Variants in TSHZ2 observed in about 807,000 individuals in gnomAD.
TSHZ2 encodes teashirt zinc finger homeobox 2, also known as teashirt homolog 2.
In TSHZ2, 21 loss-of-function variants were observed where a neutral mutation model predicts 74.4. That is an observed-to-expected ratio of 0.28 (90% CI 0.20 to 0.41). TSHZ2 has a LOEUF of 0.41. Among genes scored for constraint, TSHZ2 ranks in the 10% least tolerant of loss-of-function variants. The pLI, the probability that TSHZ2 is intolerant of heterozygous loss-of-function variation, is 1.00. For synonymous variants in TSHZ2, 540 were observed against 515.3 expected (o/e 1.05, Z -0.65); for missense variants, 1,244 against 1,293.5 (o/e 0.96, Z 0.59).
intron 2 of TSHZ2, among the ~76,000 whole-genome samples, chr20:53,387,956 G>A (rs767415153): frequency 1.4e-4 from 22 of 152,042 alleles, no homozygotes; most frequent in Admixed American, 3.9e-4. Context: ...GGCTGAGACA[G>A]GAGAATTGCT....
intron 1 of TSHZ2, among the ~76,000 whole-genome samples, chr20:52,980,861 C>G (rs922783329): frequency 6.6e-6 from 1 of 152,120 alleles, no homozygotes. Context: ...TCTATATAAA[C>G]TGCACAGGGC....
intron 1 of TSHZ2, among the ~76,000 whole-genome samples, chr20:53,048,204 C>T (rs1400415505): frequency 2.6e-5 from 4 of 152,206 alleles, no homozygotes; most frequent in East Asian, 1.9e-4. Flanking sequence ...CGATCAAAGA[C>T]AGCCCAGGAC....
At chr20:53,464,602 T>C (rs978539000) in intron 2 of TSHZ2, among the ~76,000 whole-genome samples, 2 of 152,114 alleles carry the variant, frequency 1.3e-5, no homozygotes, top group Non-Finnish European at 2.9e-5. Context: ...GCTGGAACTA[T>C]AGGTGCACAC....
intron 1 of TSHZ2, among the ~76,000 whole-genome samples, chr20:53,009,280 G>A (rs1212984103): frequency 6.6e-6 from 1 of 152,174 alleles, no homozygotes; most frequent in Non-Finnish European, 1.5e-5. Context: ...TGAGGCTGCA[G>A]TGAGCCGTGA....
intron 1 of TSHZ2, among the ~76,000 whole-genome samples, chr20:53,147,492 T>C (rs1224838577): frequency 6.6e-6 from 1 of 152,252 alleles, no homozygotes; most frequent in Non-Finnish European, 1.5e-5. Flanking sequence ...AAAGATTTAA[T>C]AATATTGTTT....
intron 2 of TSHZ2, among the ~76,000 whole-genome samples, chr20:53,457,258 T>C (rs1215915442): frequency 6.9e-6 from 1 of 145,140 alleles, no homozygotes; most frequent in Non-Finnish European, 1.5e-5. Context: ...TAGTTCTCCT[T>C]GAAGAGGTCC....
chr20:53,211,535 C>T (rs1989303729), intron 1 of TSHZ2, among the ~76,000 whole-genome samples: 1 of 151,778 alleles, frequency 6.6e-6, no homozygotes, highest in African/African-American at 2.4e-5. Context: ...AACATTGATG[C>T]ATTTAAAGTA....
At chr20:53,355,037 G>A (rs138695194) in intron 2 of TSHZ2, among the ~76,000 whole-genome samples, 2,005 of 152,248 alleles carry the variant, frequency 0.013, 28 homozygotes, top group Middle Eastern at 0.044. Flanking sequence ...AATAGAATAT[G>A]TATTCATTTA....
At position 53,373,037 on chromosome 20, in the gene TSHZ2, C is replaced by A. The variant is rs1380402529; in HGVS notation, c.*9-114107C>A. 2.0e-5 allele frequency among the ~76,000 whole-genome samples: 3 copies of A among 152,178 alleles called. No homozygotes were observed. In the East Asian group the frequency reaches 5.8e-4, roughly 29 times the overall value. On this transcript the variant is annotated intron_variant, in intron 2 of 2. Coordinates refer to ENST00000371497, the MANE Select transcript of TSHZ2 (RefSeq NM_173485.6). ...CCTTTCCATCACATCTCTGATGAGT[C>A]TTTCTATTGCTTTGCATGACAAAAT... is the stretch of plus-strand genomic sequence containing the variant.
At chr20:53,291,869 G>A (rs1289099372) in intron 2 of TSHZ2, among the ~76,000 whole-genome samples, 1 of 152,118 alleles carries the variant, frequency 6.6e-6, no homozygotes, top group African/African-American at 2.4e-5. Context: ...CTTAATTTCT[G>A]CCTTGAGGAA....
intron 1 of TSHZ2, among the ~76,000 whole-genome samples, chr20:53,133,969 G>GAAAAAAAAAAAAAAAAAAA (rs3070080): frequency 7.8e-6 from 1 of 127,908 alleles, no homozygotes; most frequent in Non-Finnish European, 1.7e-5. Context: ...CATTTTTTCT[G>GAAAAAAAAAAAAAAAAAAA]AAAAAAAAAA....
chr20:53,375,041 A>G (rs535385922), intron 2 of TSHZ2, among the ~76,000 whole-genome samples: 1 of 152,244 alleles, frequency 6.6e-6, no homozygotes, highest in East Asian at 1.9e-4. Context: ...TTCATTGAGA[A>G]TTACATATAC....
intron 1 of TSHZ2, among the ~76,000 whole-genome samples, chr20:53,032,250 C>T (rs890316702): frequency 1.2e-4 from 18 of 152,160 alleles, no homozygotes; most frequent in African/African-American, 3.9e-4. Flanking sequence ...CTTTTTGACA[C>T]GTTTATAGCT....
intron 1 of TSHZ2, among the ~76,000 whole-genome samples, chr20:53,128,300 T>C (rs957755617): frequency 3.3e-5 from 5 of 152,026 alleles, no homozygotes; most frequent in African/African-American, 1.2e-4. Context: ...GTTAGAAAAA[T>C]AGAGTAATTT....
At chr20:53,476,187 C>T (rs1167390112) in intron 2 of TSHZ2, among the ~76,000 whole-genome samples, 1 of 146,508 alleles carries the variant, frequency 6.8e-6, no homozygotes, top group South Asian at 2.2e-4. Flanking sequence ...GATACCAAAG[C>T]CAGGCAGAGA....
At chr20:53,087,517 A>T (rs1985734574) in intron 1 of TSHZ2, among the ~76,000 whole-genome samples, 2 of 152,152 alleles carry the variant, frequency 1.3e-5, no homozygotes, top group African/African-American at 4.8e-5. Context: ...CCATGGACCA[A>T]AGTTTTAATT....
chr20:53,255,758 T>C lies in TSHZ2; in HGVS notation c.2300T>C (p.Leu767Pro), dbSNP rs1459884754. 2 of 1,613,868 alleles carry C rather than the reference T, an allele frequency of 1.2e-6. No individual in the cohort carries two copies. The highest frequency in any genetic ancestry group is 2.2e-5 in the East Asian group (1 of 44,886). The change falls in exon 2 of 3, where the codon CTG becomes CCG. Residue 767 changes from leucine (L) to proline (P), a missense_variant. By Grantham distance (98) the Leu-to-Pro change is moderately conservative. Coordinates refer to ENST00000371497, the MANE Select transcript of TSHZ2 (RefSeq NM_173485.6). This position sits in a 1 kb window ranked among gnomAD's most constrained non-coding sequence, Gnocchi z 4.1. ...GAGAACAGCGATCAGCCCATTGACCTGACCAAGTCCAAAAGCAAGAAAGCC... is the reference window on the plus strand; with the variant it reads ...GAGAACAGCGATCAGCCCATTGACCCGACCAAGTCCAAAAGCAAGAAAGCC... ...LFENSDQPID[L>P]TKSKSKKAES... is the part of the protein sequence containing the mutation.
intron 2 of TSHZ2, among the ~76,000 whole-genome samples, chr20:53,412,229 C>A (rs1983078698): frequency 6.6e-6 from 1 of 152,172 alleles, no homozygotes; most frequent in South Asian, 2.1e-4. Flanking sequence ...GAGAAGGGCT[C>A]GATTCTTCTC....
rs571696347 is a variant in TSHZ2, at chr20:53,491,351, C to T, written c.*4216C>T. The T allele has an allele frequency of 2.6e-5, 4 of 152,208 alleles. No individual in the cohort carries two copies. The highest frequency in any genetic ancestry group is 9.6e-5 in the African/African-American group (4 of 41,534). The allele number at this position is 152,208 out of a possible 1,614,324, so 9.4% of individuals were successfully genotyped here. ...TCCTTTCCTCTATGTGGCACTTTCTCAAAATATCTATGAAATACTTTTAGA... is the reference window on the plus strand; with the variant it reads ...TCCTTTCCTCTATGTGGCACTTTCTTAAAATATCTATGAAATACTTTTAGA... On this transcript the variant is annotated 3_prime_UTR_variant, in exon 3 of 3. Transcript: ENST00000371497.
Sources: gnomAD v4.1 joint callset for allele counts (sites outside exome capture counted in the v4.1 genomes callset) on GRCh38, gnomAD v4.1.1 for gene constraint, Gnocchi (gnomAD v3.1) non-coding constraint, MANE v1.5 for transcripts, NCBI Gene and HGNC (gene_info 2026-07-23, HGNC 2026-07-21) for gene names.